The following KAT2B variants were observed in gnomAD, a reference collection of about 807,000 sequenced individuals.
KAT2B encodes the protein histone acetyltransferase KAT2B.
Under a neutral mutation model 105.9 loss-of-function variants are expected in KAT2B, and 36 were observed. The observed-to-expected ratio is 0.34, with a 90% CI of 0.26 to 0.45. The LOEUF (loss-of-function observed/expected upper bound fraction) is 0.45. KAT2B is among the 20% of genes least tolerant of loss of function. The probability of loss-of-function intolerance (pLI) is 1.00; values close to 1 mark genes in which losing one functional copy is unlikely to be tolerated. For missense variants in KAT2B, 820 were observed against 1,021.6 expected (o/e 0.80, Z 2.69); for synonymous variants, 397 against 377.9 (o/e 1.05, Z -0.59).
At chr3:20,062,303 A>ATATGATAT in intron 1 of KAT2B, among the ~76,000 whole-genome samples, 1 of 46,306 alleles carries the variant, frequency 2.2e-5, no homozygotes, top group Non-Finnish European at 5.9e-5. Flanking sequence ...TAATATATAA[A>ATATGATAT]ATATAATATA....
intron 11 of KAT2B, among the ~76,000 whole-genome samples, chr3:20,130,982 G>GAAAC (rs1199004587): frequency 6.8e-6 from 1 of 147,124 alleles, no homozygotes; most frequent in Non-Finnish European, 1.5e-5. Flanking sequence ...AAGAATGTGA[G>GAAAC]AAACAGTTCT....
chr3:20,044,084 A>G (rs930484145), intron 1 of KAT2B, among the ~76,000 whole-genome samples: 3 of 152,072 alleles, frequency 2.0e-5, no homozygotes, highest in Non-Finnish European at 4.4e-5. Context: ...AAAAAAAAGA[A>G]AAAAGAAAAG....
chr3:20,081,168 C>T (rs1698513098), intron 2 of KAT2B, among the ~76,000 whole-genome samples: 1 of 152,190 alleles, frequency 6.6e-6, no homozygotes, highest in South Asian at 2.1e-4. Context: ...TGTATTTGAG[C>T]AGCCTTCAAA....
chr3:20,126,948 T>C (rs1465716513), intron 10 of KAT2B, among the ~76,000 whole-genome samples: 2 of 152,148 alleles, frequency 1.3e-5, no homozygotes, highest in East Asian at 3.9e-4. Context: ...TTCAGAGTGA[T>C]GCTTTAGACA....
chr3:20,132,656 A>G (rs942873957), intron 11 of KAT2B, among the ~76,000 whole-genome samples: 3 of 152,228 alleles, frequency 2.0e-5, no homozygotes, highest in Admixed American at 1.3e-4. Context: ...TACTAGCTAG[A>G]TACAGAGGAA....
chr3:20,080,106 T>C (rs1204478967), intron 2 of KAT2B, among the ~76,000 whole-genome samples: 1 of 152,224 alleles, frequency 6.6e-6, no homozygotes, highest in Non-Finnish European at 1.5e-5. Flanking sequence ...CATACCTGGC[T>C]TTCCCATAAA....
At chr3:20,063,381 CTGATCTAG>C (rs934012564) in intron 1 of KAT2B, among the ~76,000 whole-genome samples, 6 of 150,824 alleles carry the variant, frequency 4.0e-5, no homozygotes, top group Non-Finnish European at 7.4e-5. Context: ...ACACCATTGC[CTGATCTAG>C]TATCATGAAG....
intron 13 of KAT2B, 25 bp from the exon 14 acceptor site, chr3:20,146,291 C>T: frequency 1.5e-6 from 2 of 1,340,540 alleles, no homozygotes; most frequent in Non-Finnish European, 1.1e-6. Flanking sequence ...TTTCCCTAAA[C>T]ACATTTCCTT....
At chr3:20,144,333 G>A (rs1699747794) in intron 13 of KAT2B, among the ~76,000 whole-genome samples, 1 of 131,180 alleles carries the variant, frequency 7.6e-6, no homozygotes, top group Admixed American at 8.7e-5. Flanking sequence ...CTGTCACCCA[G>A]GCTGGAGTGC....
intron 9 of KAT2B, chr3:20,123,095 C>A: frequency 6.5e-6 from 2 of 308,320 alleles, no homozygotes; most frequent in Non-Finnish European, 9.5e-6. Context: ...TGCAGAAATT[C>A]TGTAATAAAA....
At chr3:20,090,661 T>C (rs1012414275) in intron 2 of KAT2B, among the ~76,000 whole-genome samples, 1 of 152,226 alleles carries the variant, frequency 6.6e-6, no homozygotes, top group Non-Finnish European at 1.5e-5. Context: ...TCTTTTCTTG[T>C]AGTTTCCTTG....
chr3:20,093,347 A>G (rs1197657064), intron 2 of KAT2B, among the ~76,000 whole-genome samples: 1 of 152,164 alleles, frequency 6.6e-6, no homozygotes, highest in Non-Finnish European at 1.5e-5. Flanking sequence ...CCATCTGAAG[A>G]GTGAGGAAAT....
chr3:20,130,419 A>C (rs138228097), intron 11 of KAT2B, among the ~76,000 whole-genome samples: 1 of 152,302 alleles, frequency 6.6e-6, no homozygotes, highest in East Asian at 1.9e-4. Context: ...GATGTTTCCA[A>C]ATGTTCAAAG....
intron 5 of KAT2B, among the ~76,000 whole-genome samples, chr3:20,102,967 T>C (rs1458098368): frequency 6.6e-6 from 1 of 152,234 alleles, no homozygotes; most frequent in Non-Finnish European, 1.5e-5. Flanking sequence ...CTCTCTGACA[T>C]TGACCTAGTT....
At chr3:20,118,292 T>A (rs1182100322) in intron 7 of KAT2B, among the ~76,000 whole-genome samples, 1 of 145,686 alleles carries the variant, frequency 6.9e-6, no homozygotes, top group African/African-American at 2.5e-5. Context: ...AAATAAATAA[T>A]TATTTATATA....
chr3:20,064,313 T>C (rs937717127), intron 1 of KAT2B, among the ~76,000 whole-genome samples: 1 of 152,242 alleles, frequency 6.6e-6, no homozygotes, highest in Non-Finnish European at 1.5e-5. Context: ...AATTAGCATG[T>C]TCATCACCTC....
Position 20,148,010 on chromosome 3 carries a change from C to A in KAT2B, c.2156+11C>A. The A allele has an allele frequency of 6.2e-7, 1 of 1,611,748 alleles. No individual in the cohort carries two copies. The highest frequency in any genetic ancestry group is 1.3e-5 in the African/African-American group (1 of 74,748). On this transcript the variant is annotated intron_variant, in intron 15 of 17. Transcript: ENST00000263754. ...TGGAAAAGAGAAAAGGTAAGTATGA[C>A]GGGCAAGAGGATGTTAATGGAAGTG...
chr3:20,088,592 G>T (rs1488184668), intron 2 of KAT2B, among the ~76,000 whole-genome samples: 1 of 151,992 alleles, frequency 6.6e-6, no homozygotes, highest in Non-Finnish European at 1.5e-5. Context: ...TTTAAAATTG[G>T]GTTGTTTTCT....
At chr3:20,088,525 C>T (rs564214976) in intron 2 of KAT2B, among the ~76,000 whole-genome samples, 1 of 152,208 alleles carries the variant, frequency 6.6e-6, no homozygotes, top group Admixed American at 6.5e-5. Context: ...TTCCATATAC[C>T]TGTTGGCCAT....
Sources: allele counts gnomAD v4.1 joint callset (sites outside exome capture counted in the v4.1 genomes callset), GRCh38; gene constraint gnomAD v4.1.1; transcripts MANE v1.5; gene names NCBI Gene and HGNC (gene_info 2026-07-23, HGNC 2026-07-21).